TENM3: variants seen among roughly 807,000 people sequenced by gnomAD.
The protein encoded by TENM3 is teneurin-3.
In TENM3, 63 loss-of-function variants were observed where a neutral mutation model predicts 255.1. That is an observed-to-expected ratio of 0.25 (90% CI 0.20 to 0.30). The LOEUF is 0.30. TENM3 is among the 10% of genes least tolerant of loss of function. The pLI is 1.00. For synonymous variants in TENM3, 1,306 were observed against 1,322.3 expected (o/e 0.99, Z 0.27); for missense variants, 2,929 against 3,461.1 (o/e 0.85, Z 3.86).
the TENM3 span, among the ~76,000 whole-genome samples, chr4:181,639,646 C>A: frequency 1.3e-5 from 2 of 152,106 alleles, no homozygotes; most frequent in Non-Finnish European, 2.9e-5. Flanking sequence ...AGGCTGAGGC[C>A]GGAGAATCGC....
chr4:182,480,580 A>G (rs1734100717), intron 3 of TENM3, among the ~76,000 whole-genome samples: 1 of 152,122 alleles, frequency 6.6e-6, no homozygotes, highest in African/African-American at 2.4e-5. Flanking sequence ...ATATATATTT[A>G]ATTTTAAAAA....
the TENM3 span, among the ~76,000 whole-genome samples, chr4:181,553,343 C>T: frequency 6.6e-6 from 1 of 151,016 alleles, no homozygotes; most frequent in Admixed American, 6.6e-5. Flanking sequence ...TATACACACA[C>T]ACACACACAT....
At chr4:181,842,486 A>C in the TENM3 span, among the ~76,000 whole-genome samples, 1 of 152,236 alleles carries the variant, frequency 6.6e-6, no homozygotes, top group African/African-American at 2.4e-5. Flanking sequence ...GTTTTATAAC[A>C]ATCTCTTAAA....
the TENM3 span, among the ~76,000 whole-genome samples, chr4:181,577,647 T>C: frequency 5.6e-3 from 859 of 152,294 alleles, 6 homozygotes; most frequent in Middle Eastern, 0.014. Context: ...TTTTTTGCTG[T>C]ATTGATGATA....
At chr4:182,703,635 C>T (rs577787618) in intron 12 of TENM3, among the ~76,000 whole-genome samples, 12 of 152,250 alleles carry the variant, frequency 7.9e-5, no homozygotes, top group African/African-American at 2.6e-4. Flanking sequence ...ATATCAATCA[C>T]CTTTGAGAAC....
the TENM3 span, among the ~76,000 whole-genome samples, chr4:182,051,011 G>A: frequency 6.6e-6 from 1 of 152,014 alleles, no homozygotes; most frequent in Admixed American, 6.6e-5. Flanking sequence ...GATTAATGTG[G>A]CAGAAAAATA....
At chr4:182,220,618 GCTT>G (rs1755798467) in intron 1 of TENM3, among the ~76,000 whole-genome samples, 1 of 152,122 alleles carries the variant, frequency 6.6e-6, no homozygotes, top group African/African-American at 2.4e-5. Context: ...GAAGGTTCAT[GCTT>G]CTTGCTAGCC....
the TENM3 span, among the ~76,000 whole-genome samples, chr4:181,477,963 T>G: frequency 6.6e-6 from 1 of 152,342 alleles, no homozygotes; most frequent in Admixed American, 6.5e-5. Flanking sequence ...ATTTAAATCA[T>G]TAACGATGGA....
chr4:182,376,908 A>G (rs1396634036), intron 3 of TENM3, among the ~76,000 whole-genome samples: 1 of 152,176 alleles, frequency 6.6e-6, no homozygotes, highest in African/African-American at 2.4e-5. Context: ...ACACAGGCAG[A>G]TTGATTGAAA....
the TENM3 span, among the ~76,000 whole-genome samples, chr4:181,553,333 T>G: frequency 1.6e-5 from 2 of 124,408 alleles, no homozygotes; most frequent in African/African-American, 5.8e-5. Context: ...TATATATATA[T>G]ATACACACAC....
chr4:181,540,867 A>T, the TENM3 span, among the ~76,000 whole-genome samples: 23,797 of 148,042 alleles, frequency 0.16, 2,226 homozygotes, highest in Admixed American at 0.29. Context: ...GGAAATCTGA[A>T]TAAAGTATGG....
At chr4:181,569,160 C>A in the TENM3 span, among the ~76,000 whole-genome samples, 20 of 152,168 alleles carry the variant, frequency 1.3e-4, no homozygotes, top group African/African-American at 4.8e-4. Flanking sequence ...TAGTGAGGCC[C>A]CCGTCTCTAA....
At chr4:182,010,708 C>A in the TENM3 span, among the ~76,000 whole-genome samples, 3 of 152,052 alleles carry the variant, frequency 2.0e-5, no homozygotes, top group East Asian at 1.9e-4. Context: ...AAAATTAATA[C>A]CTTTTTATAA....
the TENM3 span, among the ~76,000 whole-genome samples, chr4:182,092,209 C>T: frequency 6.6e-6 from 1 of 152,144 alleles, no homozygotes; most frequent in Non-Finnish European, 1.5e-5. Flanking sequence ...GGCATGGTGG[C>T]ACACACCTGT....
At chr4:181,543,518 C>T in the TENM3 span, among the ~76,000 whole-genome samples, 1 of 152,118 alleles carries the variant, frequency 6.6e-6, no homozygotes, top group Non-Finnish European at 1.5e-5. Flanking sequence ...GTATTTTTTC[C>T]GCGTGATGAC....
chr4:182,540,325 C>T (rs1740739197), intron 3 of TENM3, among the ~76,000 whole-genome samples: 1 of 152,192 alleles, frequency 6.6e-6, no homozygotes, highest in African/African-American at 2.4e-5. Flanking sequence ...CACAGTGGCT[C>T]ACACCTGTAA....
chr4:182,654,878 A>G (rs77977005), intron 6 of TENM3, among the ~76,000 whole-genome samples: 9,470 of 152,200 alleles, frequency 0.062, 415 homozygotes, highest in East Asian at 0.14. Context: ...CCTAATGATA[A>G]TACTTTATGA....
intron 4 of TENM3, among the ~76,000 whole-genome samples, chr4:182,617,598 C>G (rs1020434072): frequency 2.0e-5 from 3 of 152,178 alleles, no homozygotes; most frequent in African/African-American, 7.2e-5. Flanking sequence ...ATTTCCTCAG[C>G]TCTTAAGTGA....
At chr4:182,214,067 G>A (rs1755267631) in intron 1 of TENM3, among the ~76,000 whole-genome samples, 1 of 152,172 alleles carries the variant, frequency 6.6e-6, no homozygotes, top group Admixed American at 6.5e-5. Context: ...CTCCCCAAGT[G>A]CTGGGATTAC....
Sources: gnomAD v4.1 joint callset for allele counts (sites outside exome capture counted in the v4.1 genomes callset) on GRCh38, gnomAD v4.1.1 for gene constraint, MANE v1.5 for transcripts, NCBI Gene and HGNC (gene_info 2026-07-23, HGNC 2026-07-21) for gene names.